Variants in KIAA1549L observed in about 807,000 individuals in gnomAD.
KIAA1549L encodes the protein KIAA1549 like.
KIAA1549L carries 88 observed loss-of-function variants against 160.7 expected under a neutral mutation model. The observed-to-expected ratio is 0.55, with a 90% CI of 0.46 to 0.65. The LOEUF (loss-of-function observed/expected upper bound fraction) is 0.65. Among genes scored for constraint, KIAA1549L ranks in the 30% least tolerant of loss-of-function variants. KIAA1549L has a pLI of 0.00. For missense variants in KIAA1549L, 2,258 were observed against 2,437.5 expected, an observed-to-expected ratio of 0.93 and a Z score of 1.55; for synonymous variants, 950 against 976.7, an observed-to-expected ratio of 0.97 and a Z score of 0.51.
At chr11:33,395,915 G>C (rs1850364184) in intron 1 of KIAA1549L, among the ~76,000 whole-genome samples, 1 of 152,080 alleles carries the variant, frequency 6.6e-6, no homozygotes, top group South Asian at 2.1e-4. Context: ...TGCAGTTTGA[G>C]GTCCTGATGG....
intron 15 of KIAA1549L, among the ~76,000 whole-genome samples, chr11:33,613,727 C>G (rs1423842126): frequency 6.6e-6 from 1 of 152,082 alleles, no homozygotes; most frequent in Non-Finnish European, 1.5e-5. Context: ...AGACAAATAT[C>G]CAAACTAGAT....
At chr11:33,639,344 G>A (rs1472441117) in intron 16 of KIAA1549L, among the ~76,000 whole-genome samples, 4 of 152,140 alleles carry the variant, frequency 2.6e-5, no homozygotes, top group African/African-American at 9.7e-5. Flanking sequence ...TGGCCACCAT[G>A]AAGCGCAAGA....
intron 1 of KIAA1549L, among the ~76,000 whole-genome samples, chr11:33,481,249 G>A (rs919938683): frequency 3.3e-5 from 5 of 152,028 alleles, no homozygotes; most frequent in East Asian, 1.9e-4. Context: ...TATGTTTGTC[G>A]TATTTTGATA....
In KIAA1549L at chr11:33,636,830, AT is replaced by A. The variant is rs1334912928; in HGVS notation, c.5410-8852del. ...AGGCATCCAGTGGGGGTCTTGGAACATTTTCCCTGAGGATAAGGGAGACTAA... is the reference window on the plus strand; with the variant it reads ...AGGCATCCAGTGGGGGTCTTGGAACATTTCCCTGAGGATAAGGGAGACTAA... On this transcript the variant is annotated intron_variant, in intron 16 of 20. Transcript: ENST00000658780. 1.3e-5 allele frequency among the ~76,000 whole-genome samples: 2 copies of A among 152,118 alleles called. 1 individual carries two copies. Among genetic ancestry groups the A allele is most frequent in the African/African-American group, 4.8e-5 (2 of 41,406 alleles).
intron 1 of KIAA1549L, among the ~76,000 whole-genome samples, chr11:33,528,916 T>C (rs1192888953): frequency 3.3e-5 from 5 of 152,184 alleles, no homozygotes; most frequent in African/African-American, 1.2e-4. Flanking sequence ...AAATCACCAC[T>C]AAAGAACTTT....
At chr11:33,654,129 C>T (rs538603396) in intron 17 of KIAA1549L, among the ~76,000 whole-genome samples, 19 of 152,186 alleles carry the variant, frequency 1.2e-4, no homozygotes, top group South Asian at 6.2e-4. Context: ...CGTGCCACCA[C>T]GCCCAGCTAA....
intron 1 of KIAA1549L, among the ~76,000 whole-genome samples, chr11:33,520,119 C>G (rs1483162490): frequency 6.6e-6 from 1 of 151,896 alleles, no homozygotes; most frequent in African/African-American, 2.4e-5. Flanking sequence ...TTCTCCCTTC[C>G]TTTTTTTTCC....
At chr11:33,624,375 C>T (rs376018062) in intron 16 of KIAA1549L, among the ~76,000 whole-genome samples, 3 of 152,178 alleles carry the variant, frequency 2.0e-5, no homozygotes, top group East Asian at 1.9e-4. Context: ...TAGTTCCTTA[C>T]AATCCTATGT....
chr11:33,636,039 G>A (rs1851428029), intron 16 of KIAA1549L, among the ~76,000 whole-genome samples: 1 of 152,162 alleles, frequency 6.6e-6, no homozygotes. Context: ...TCCCACCCAG[G>A]ACATGAATCT....
At chr11:33,389,021 C>T (rs903132074) in intron 1 of KIAA1549L, among the ~76,000 whole-genome samples, 11 of 152,306 alleles carry the variant, frequency 7.2e-5, no homozygotes, top group African/African-American at 2.6e-4. Context: ...GAGGTGAATT[C>T]GATTTAGATT....
At chr11:33,566,114 A>G (rs956393390) in intron 8 of KIAA1549L, among the ~76,000 whole-genome samples, 3 of 152,146 alleles carry the variant, frequency 2.0e-5, no homozygotes, top group Non-Finnish European at 4.4e-5. Flanking sequence ...GTATATCCAC[A>G]ATATTGTATA....
intron 16 of KIAA1549L, among the ~76,000 whole-genome samples, chr11:33,631,597 C>T (rs1350267700): frequency 6.6e-6 from 1 of 152,138 alleles, no homozygotes; most frequent in Non-Finnish European, 1.5e-5. Context: ...TGCAGATGTC[C>T]CCTGGTGGTC....
Position 33,442,563 on chromosome 11 carries a change from T to C in KIAA1549L, c.238+65674T>C, listed in dbSNP as rs147265447. 8.2e-3 allele frequency among the ~76,000 whole-genome samples: 1,257 copies of C among 152,372 alleles called. 16 individuals carry two copies. The highest frequency in any genetic ancestry group is 0.029 in the African/African-American group (1,189 of 41,582). ...TAGCTCAATCTTTGTCAGTGATCTGTCTTTTCACTCTGACTGCTTTTATAC... is the reference window on the plus strand; with the variant it reads ...TAGCTCAATCTTTGTCAGTGATCTGCCTTTTCACTCTGACTGCTTTTATAC... On this transcript the variant is annotated intron_variant, in intron 1 of 20. Transcript: ENST00000658780.
At chr11:33,383,956 T>C (rs771008318) in intron 1 of KIAA1549L, among the ~76,000 whole-genome samples, 6 of 152,240 alleles carry the variant, frequency 3.9e-5, no homozygotes, top group Non-Finnish European at 7.3e-5. Context: ...TTTTTCTTCT[T>C]TTTTTAAAGT....
intron 1 of KIAA1549L, among the ~76,000 whole-genome samples, chr11:33,447,519 C>T (rs1485156161): frequency 7.3e-6 from 1 of 136,308 alleles, no homozygotes; most frequent in East Asian, 2.3e-4. Context: ...CCCATCCATC[C>T]TTCCACTCAC....
At chr11:33,456,384 A>G (rs911585) in intron 1 of KIAA1549L, among the ~76,000 whole-genome samples, 29,314 of 150,274 alleles carry the variant, frequency 0.2, 3,008 homozygotes, top group East Asian at 0.32. Context: ...GGTAGGCACA[A>G]GTAGGGTGCA....
At chr11:33,407,328 C>G (rs1430540420) in intron 1 of KIAA1549L, among the ~76,000 whole-genome samples, 1 of 151,280 alleles carries the variant, frequency 6.6e-6, no homozygotes, top group Non-Finnish European at 1.5e-5. Flanking sequence ...TCGTGATCCG[C>G]CCGCCTCGGC....
At chr11:33,641,903 TG>T (rs1851597380) in intron 16 of KIAA1549L, among the ~76,000 whole-genome samples, 1 of 152,120 alleles carries the variant, frequency 6.6e-6, no homozygotes, top group Non-Finnish European at 1.5e-5. Flanking sequence ...TGCCATTGAC[TG>T]GGAGCTCCTT....
Position 33,406,375 on chromosome 11 carries a change from C to A in KIAA1549L, c.238+29486C>A, listed in dbSNP as rs533992243. On this transcript the variant is annotated intron_variant, in intron 1 of 20. Coordinates refer to ENST00000658780, the MANE Select transcript of KIAA1549L (RefSeq NM_012194.3). Reference sequence around the variant, plus strand: ...TGCCGGCTGCGACTTATGCTTCACACGTGCACGGGCCATATGGCAACACCA... The same window carrying A: ...TGCCGGCTGCGACTTATGCTTCACAAGTGCACGGGCCATATGGCAACACCA... Among the ~76,000 whole-genome samples, 4 of 152,278 alleles carry A rather than the reference C, an allele frequency of 2.6e-5. No homozygotes were observed. In the East Asian group the frequency reaches 5.8e-4, roughly 22 times the overall value.
Sources: allele counts gnomAD v4.1 joint callset (sites outside exome capture counted in the v4.1 genomes callset), GRCh38; gene constraint gnomAD v4.1.1; transcripts MANE v1.5; gene names NCBI Gene and HGNC (gene_info 2026-07-23, HGNC 2026-07-21).